The following CRB1 variants were observed in gnomAD, a reference collection of about 807,000 sequenced individuals.
The protein encoded by CRB1 is crumbs cell polarity complex component 1.
Under a neutral mutation model 120.0 loss-of-function variants are expected in CRB1, and 83 were observed. The observed-to-expected ratio is 0.69, with a 90% CI of 0.58 to 0.83. The LOEUF (loss-of-function observed/expected upper bound fraction) is 0.83, where lower values mean the gene tolerates loss of function less well. Ranked by LOEUF, CRB1 falls within the 40% of genes least tolerant of loss-of-function variation. CRB1 has a pLI of 0.00. For missense variants in CRB1, 1,699 were observed against 1,687.6 expected, an observed-to-expected ratio of 1.01 and a Z score of -0.12; for synonymous variants, 625 against 612.5, an observed-to-expected ratio of 1.02 and a Z score of -0.30.
intron 11 of CRB1, chr1:197,443,738 A>G (rs1050403081): frequency 2.0e-5 from 3 of 151,834 alleles, no homozygotes; most frequent in Admixed American, 6.6e-5. Context: ...TCTATAAAGT[A>G]TACTAAGATA....
intron 11 of CRB1, among the ~76,000 whole-genome samples, chr1:197,446,027 TAAAA>T (rs1185687710): frequency 6.6e-6 from 1 of 151,940 alleles, no homozygotes; most frequent in African/African-American, 2.4e-5. Context: ...TTGTCTATAC[TAAAA>T]ATACAAAAAT....
intron 1 of CRB1, among the ~76,000 whole-genome samples, chr1:197,273,416 A>G (rs1218635723): frequency 6.6e-6 from 1 of 152,232 alleles, no homozygotes; most frequent in Admixed American, 6.5e-5. Context: ...GGTTTCCCTG[A>G]TAACTATAAA....
intron 4 of CRB1, among the ~76,000 whole-genome samples, chr1:197,354,113 A>C (rs2125346808): frequency 6.6e-6 from 1 of 152,216 alleles, no homozygotes; most frequent in African/African-American, 2.4e-5. Flanking sequence ...TATTTTATCC[A>C]ACCAGCTGGT....
the CRB1 span, among the ~76,000 whole-genome samples, chr1:197,239,936 A>G: frequency 6.6e-6 from 1 of 150,578 alleles, no homozygotes; most frequent in Non-Finnish European, 1.5e-5. Flanking sequence ...ATCATAGTCT[A>G]TTTGTGTCAT....
chr1:197,228,653 A>G, the CRB1 span, among the ~76,000 whole-genome samples: 8 of 152,074 alleles, frequency 5.3e-5, no homozygotes, highest in Admixed American at 2.0e-4. Flanking sequence ...AACTGTTCCA[A>G]CCTCTGCCTG....
At chr1:197,328,385 T>G (rs1436414444) in intron 1 of CRB1, 37 bp from the exon 2 acceptor site, 2 of 1,523,886 alleles carry the variant, frequency 1.3e-6, no homozygotes, top group Admixed American at 1.7e-5. Context: ...TGTCCTCATT[T>G]ATAAATTTAA....
chr1:197,226,708 G>A, the CRB1 span, among the ~76,000 whole-genome samples: 5 of 152,082 alleles, frequency 3.3e-5, no homozygotes, highest in African/African-American at 1.2e-4. Flanking sequence ...GCCATGTGAG[G>A]TTGTTTTCAG....
At position 197,283,203 on chromosome 1, in the gene CRB1, CAAAG is replaced by C. The variant is rs564997093; in HGVS notation, c.70+14725_70+14728del. Among the ~76,000 whole-genome samples, 11 of 151,508 alleles carry C rather than the reference CAAAG, an allele frequency of 7.3e-5. No individual in the cohort carries two copies. In the South Asian group the frequency reaches 8.3e-4, roughly 11 times the overall value. On this transcript the variant is annotated intron_variant, in intron 1 of 11. Transcript: ENST00000367400. ...GTGTAAAAAATATGCTTGGAAAAAA[CAAAG>C]AAAAATTCTGGAGGGAAACATTTTA...
At chr1:197,352,224 T>C (rs1019809215) in intron 4 of CRB1, among the ~76,000 whole-genome samples, 1 of 152,248 alleles carries the variant, frequency 6.6e-6, no homozygotes, top group East Asian at 1.9e-4. Context: ...AATACAGTCT[T>C]GACTGAAGGA....
rs1050572773 is a variant in CRB1 at position 197,373,802 on chromosome 1, A to G, written c.1171+16789A>G. 3.9e-5 allele frequency among the ~76,000 whole-genome samples: 6 copies of G among 152,202 alleles called. No homozygotes were observed. The East Asian group carries it at 1.2e-3, about 29-fold the overall frequency. Reference sequence around the variant, plus strand: ...GGAATGTCCATTGAATATGTTTACTACTGGCCCATTGCTAGGTGGCCTTTA... The same window carrying G: ...GGAATGTCCATTGAATATGTTTACTGCTGGCCCATTGCTAGGTGGCCTTTA... On this transcript the variant is annotated intron_variant, in intron 5 of 11. Transcript: ENST00000367400.
chr1:197,363,964 G>C (rs879102584), intron 5 of CRB1: 2 of 1,345,732 alleles, frequency 1.5e-6, no homozygotes, highest in Non-Finnish European at 1.1e-6. Context: ...GAAGCCATGC[G>C]GCCGGCGACA....
Position 197,421,338 on chromosome 1 carries a change from A to G in CRB1, c.1510A>G (p.Lys504Glu). 6.2e-7 allele frequency: 1 copy of G among 1,614,198 alleles called. No individual in the cohort carries two copies. ...LWVKSGSVTT[K>E]GSVCNIALRF... ...GGTCAAAAGTGGCTCAGTGACAACC[A>G]AGGGCTCAGTTTGTAACATAGCCCT... Residue 504 changes from lysine (K) to glutamate (E), a missense_variant, in exon 6 of 12, where the codon AAG (lysine) becomes GAG (glutamate). Transcript: ENST00000367400.
chr1:197,473,742 C>T (rs1396121439), intron 11 of CRB1, among the ~76,000 whole-genome samples: 3 of 152,110 alleles, frequency 2.0e-5, no homozygotes, highest in South Asian at 2.1e-4. Context: ...CCTTAAATCT[C>T]GTCCTGCACC....
chr1:197,439,448 G>A (rs1665325555), intron 10 of CRB1: 1 of 152,108 alleles, frequency 6.6e-6, no homozygotes, highest in Non-Finnish European at 1.5e-5. Context: ...TTTTTATTTT[G>A]CATATGTGTA....
intron 10 of CRB1, 72 bp downstream of exon 10, chr1:197,438,747 T>G: frequency 6.3e-7 from 1 of 1,576,726 alleles, no homozygotes; most frequent in Non-Finnish European, 8.7e-7. Context: ...AAGTTCATTT[T>G]CTCCTCTAAT....
chr1:197,449,523 C>A (rs1388025155), intron 11 of CRB1, among the ~76,000 whole-genome samples: 6 of 152,078 alleles, frequency 3.9e-5, no homozygotes, highest in African/African-American at 1.4e-4. Context: ...CCGGCCACCA[C>A]GCCCGGCTAA....
At chr1:197,244,845 CT>C in the CRB1 span, among the ~76,000 whole-genome samples, 2 of 151,736 alleles carry the variant, frequency 1.3e-5, no homozygotes, top group Admixed American at 1.3e-4. Context: ...ATTCCTTATG[CT>C]TAGTGTATTT....
chr1:197,453,318 TATA>T (rs61517044), intron 11 of CRB1, among the ~76,000 whole-genome samples: 134,858 of 146,186 alleles, frequency 0.92, 63,239 homozygotes, highest in Non-Finnish European at 1. Flanking sequence ...TATATTTATA[TATA>T]ATAAGTATAT....
chr1:197,329,717 G>T (rs765264462), intron 2 of CRB1, among the ~76,000 whole-genome samples: 3 of 152,066 alleles, frequency 2.0e-5, no homozygotes, highest in Non-Finnish European at 4.4e-5. Flanking sequence ...AATTCTTCAC[G>T]ATGGCCACAT....
Sources: allele counts gnomAD v4.1 joint callset (sites outside exome capture counted in the v4.1 genomes callset), GRCh38; gene constraint gnomAD v4.1.1; transcripts MANE v1.5; gene names NCBI Gene and HGNC (gene_info 2026-07-23, HGNC 2026-07-21).